Variants in GALNT13 observed in about 807,000 individuals in gnomAD.
GALNT13 encodes the protein polypeptide N-acetylgalactosaminyltransferase 13, also known as UDP-GalNAc:polypeptide N-acetylgalactosaminyltransferase 13.
GALNT13 carries 28 observed loss-of-function variants against 64.2 expected under a neutral mutation model. That is an observed-to-expected ratio of 0.44 (90% CI 0.32 to 0.60). The LOEUF (loss-of-function observed/expected upper bound fraction) is 0.60, where lower values mean the gene tolerates loss of function less well. Ranked by LOEUF, GALNT13 falls within the 20% of genes least tolerant of loss-of-function variation. GALNT13 has a pLI of 0.05. For missense variants in GALNT13, 577 were observed against 669.8 expected, an observed-to-expected ratio of 0.86 and a Z score of 1.53; for synonymous variants, 214 against 224.6, an observed-to-expected ratio of 0.95 and a Z score of 0.42.
chr2:153,672,824 G>C, the GALNT13 span, among the ~76,000 whole-genome samples: 13 of 147,860 alleles, frequency 8.8e-5, no homozygotes, highest in African/African-American at 3.2e-4. Context: ...GACTAATAAA[G>C]AAGAAATGAG....
chr2:153,435,084 G>A, the GALNT13 span, among the ~76,000 whole-genome samples: 1 of 152,100 alleles, frequency 6.6e-6, no homozygotes, highest in African/African-American at 2.4e-5. Flanking sequence ...TATTAAATAG[G>A]GGATCCTTTC....
chr2:154,025,109 G>T (rs1358043473), intron 3 of GALNT13, among the ~76,000 whole-genome samples: 2 of 152,144 alleles, frequency 1.3e-5, no homozygotes, highest in Non-Finnish European at 2.9e-5. Context: ...CCCTACTGGG[G>T]GGTGCCTCCC....
the GALNT13 span, among the ~76,000 whole-genome samples, chr2:153,820,299 G>GA: frequency 6.6e-6 from 1 of 152,134 alleles, no homozygotes; most frequent in African/African-American, 2.4e-5. Flanking sequence ...TAAACAACTT[G>GA]AAAAACATAT....
chr2:153,748,589 T>C, the GALNT13 span, among the ~76,000 whole-genome samples: 1 of 152,210 alleles, frequency 6.6e-6, no homozygotes, highest in Non-Finnish European at 1.5e-5. Context: ...GAAATGTCTA[T>C]TCAAATGTTT....
At chr2:153,321,678 C>G in the GALNT13 span, among the ~76,000 whole-genome samples, 1 of 152,140 alleles carries the variant, frequency 6.6e-6, no homozygotes. Flanking sequence ...CCAGTATCTA[C>G]CTCCATTTGA....
chr2:154,327,223 G>A (rs1414312899), intron 9 of GALNT13, among the ~76,000 whole-genome samples: 2 of 152,016 alleles, frequency 1.3e-5, no homozygotes, highest in East Asian at 3.9e-4. Context: ...CTGTCGCCTT[G>A]TGAAGGTCGC....
chr2:153,395,081 C>T, the GALNT13 span, among the ~76,000 whole-genome samples: 684 of 152,246 alleles, frequency 4.5e-3, 6 homozygotes, highest in African/African-American at 0.015. Flanking sequence ...AGGTCCTTGC[C>T]GTGGGGCCTC....
chr2:153,788,171 A>C, the GALNT13 span, among the ~76,000 whole-genome samples: 1 of 152,162 alleles, frequency 6.6e-6, no homozygotes, highest in Non-Finnish European at 1.5e-5. Flanking sequence ...ATGAAAGAAA[A>C]AATAATAAAG....
the GALNT13 span, among the ~76,000 whole-genome samples, chr2:153,615,295 T>A: frequency 6.6e-6 from 1 of 152,110 alleles, no homozygotes; most frequent in African/African-American, 2.4e-5. Flanking sequence ...CCTAGGTTGC[T>A]TTCAAATCTC....
chr2:153,537,377 T>A, the GALNT13 span, among the ~76,000 whole-genome samples: 3 of 152,274 alleles, frequency 2.0e-5, no homozygotes, highest in Admixed American at 6.5e-5. Flanking sequence ...GTTGTAGCTG[T>A]CAGAAAGGGC....
At chr2:153,710,059 C>T in the GALNT13 span, among the ~76,000 whole-genome samples, 4 of 151,912 alleles carry the variant, frequency 2.6e-5, no homozygotes, top group African/African-American at 7.2e-5. Flanking sequence ...TTAGATCTAT[C>T]GCACAGCATG....
At chr2:153,951,835 A>G (rs1692206812) in intron 3 of GALNT13, among the ~76,000 whole-genome samples, 1 of 152,174 alleles carries the variant, frequency 6.6e-6, no homozygotes, top group Non-Finnish European at 1.5e-5. Flanking sequence ...AGTGAAGTTT[A>G]TGGACTGTAA....
intron 9 of GALNT13, among the ~76,000 whole-genome samples, chr2:154,301,892 A>T (rs1014049123): frequency 1.3e-5 from 2 of 152,086 alleles, no homozygotes; most frequent in African/African-American, 2.4e-5. Flanking sequence ...GAATATTTTT[A>T]AAAATATTTT....
At chr2:153,899,236 A>G (rs1171363089) in intron 1 of GALNT13, among the ~76,000 whole-genome samples, 1 of 152,182 alleles carries the variant, frequency 6.6e-6, no homozygotes, top group Non-Finnish European at 1.5e-5. Context: ...AACCCAGGTC[A>G]GAAAAGCTGG....
the GALNT13 span, among the ~76,000 whole-genome samples, chr2:153,477,008 C>G: frequency 1.3e-5 from 2 of 152,182 alleles, no homozygotes; most frequent in Non-Finnish European, 2.9e-5. Flanking sequence ...GTGTTCCCGC[C>G]GGAGCCTGGC....
chr2:153,712,209 TA>T, the GALNT13 span, among the ~76,000 whole-genome samples: 1 of 152,176 alleles, frequency 6.6e-6, no homozygotes, highest in African/African-American at 2.4e-5. Context: ...GTGCTTCAAT[TA>T]GAAGTATAAT....
At chr2:153,717,130 T>C in the GALNT13 span, among the ~76,000 whole-genome samples, 1 of 152,160 alleles carries the variant, frequency 6.6e-6, no homozygotes, top group South Asian at 2.1e-4. Flanking sequence ...TGGGTGGCAG[T>C]GTTTATTCCC....
the GALNT13 span, among the ~76,000 whole-genome samples, chr2:153,622,821 C>A: frequency 6.6e-6 from 1 of 151,938 alleles, no homozygotes; most frequent in South Asian, 2.1e-4. Context: ...ATCTTTATTG[C>A]CAATATTATG....
chr2:154,428,396 G>A (rs1442587080), intron 11 of GALNT13, among the ~76,000 whole-genome samples: 1 of 152,122 alleles, frequency 6.6e-6, no homozygotes, highest in Non-Finnish European at 1.5e-5. Flanking sequence ...ACTCGCACAA[G>A]AAAAGTATTT....
Sources: gnomAD v4.1 joint callset for allele counts (sites outside exome capture counted in the v4.1 genomes callset) on GRCh38, gnomAD v4.1.1 for gene constraint, MANE v1.5 for transcripts, NCBI Gene and HGNC (gene_info 2026-07-23, HGNC 2026-07-21) for gene names.